ANKRD55: variants seen among roughly 807,000 people sequenced by gnomAD.
ANKRD55 encodes the protein ankyrin repeat domain 55.
Under a neutral mutation model 60.6 loss-of-function variants are expected in ANKRD55, and 41 were observed. The ratio of observed to expected loss-of-function variants is 0.68; its 90% confidence interval spans 0.53 to 0.88. The LOEUF is 0.88. Among genes scored for constraint, ANKRD55 ranks in the 40% least tolerant of loss-of-function variants. The pLI is 0.00. For missense variants in ANKRD55, 732 were observed against 767.6 expected (o/e 0.95, Z 0.55); for synonymous variants, 264 against 290.3 (o/e 0.91, Z 0.92).
intron 8 of ANKRD55, among the ~76,000 whole-genome samples, chr5:56,117,563 C>T (rs1049255512): frequency 1.1e-4 from 16 of 152,116 alleles, no homozygotes; most frequent in African/African-American, 3.9e-4. Context: ...AAGCGATTCT[C>T]CCACCTCAGC....
intron 3 of ANKRD55, among the ~76,000 whole-genome samples, chr5:56,177,051 A>G (rs6863007): frequency 0.054 from 8,291 of 152,256 alleles, 791 homozygotes; most frequent in African/African-American, 0.19. Context: ...ATCCCCAAGA[A>G]AGGGTAAATC....
chr5:56,148,114 A>T (rs919800634), intron 6 of ANKRD55, among the ~76,000 whole-genome samples: 5 of 152,272 alleles, frequency 3.3e-5, no homozygotes, highest in African/African-American at 7.2e-5. Context: ...AGAAATGCTT[A>T]CTGGAAGAAT....
At chr5:56,132,770 A>C (rs894386536) in intron 7 of ANKRD55, among the ~76,000 whole-genome samples, 1 of 152,186 alleles carries the variant, frequency 6.6e-6, no homozygotes, top group Admixed American at 6.5e-5. Context: ...TGTCTATAAG[A>C]AACCCACTTT....
chr5:56,226,213 C>T (rs1471509025), intron 2 of ANKRD55, among the ~76,000 whole-genome samples: 3 of 152,102 alleles, frequency 2.0e-5, no homozygotes, highest in African/African-American at 7.2e-5. Context: ...AGAAATCTGA[C>T]AAAAACAAGA....
rs772695526 is a variant in ANKRD55 at position 56,143,861 on chromosome 5, C to T, written c.552G>A (p.Lys184=). Residue 184 remains lysine (K), a synonymous_variant, in exon 7 of 12, where the codon AAG becomes AAA. Transcript: ENST00000341048. Reference sequence around the variant, plus strand: ...TATCCACAAGGGTGGGGTCTGCCCCCTTCTTCAGCAGCATTTGTGTGTGTT... The same window carrying T: ...TATCCACAAGGGTGGGGTCTGCCCCTTTCTTCAGCAGCATTTGTGTGTGTT... The part of the protein sequence containing the change: ...QPQHTQMLLK[K]GADPTLVDKD... The T allele has an allele frequency of 6.2e-7, 1 of 1,614,060 alleles. No individual in the cohort carries two copies. The highest frequency in any genetic ancestry group is 8.5e-7 in the Non-Finnish European group (1 of 1,180,048).
chr5:56,137,128 T>A, intron 7 of ANKRD55: 1 of 1,284,552 alleles, frequency 7.8e-7, no homozygotes, highest in Non-Finnish European at 1.1e-6. Context: ...CTGAAAGATG[T>A]CACTTTACAG....
intron 8 of ANKRD55, among the ~76,000 whole-genome samples, chr5:56,123,223 G>A (rs956114599): frequency 2.0e-5 from 3 of 152,120 alleles, no homozygotes; most frequent in Admixed American, 2.0e-4. Flanking sequence ...AGAGGGCCAG[G>A]TGGTCTCTCA....
chr5:56,180,193 C>T (rs1345801913), intron 3 of ANKRD55, among the ~76,000 whole-genome samples: 1 of 152,070 alleles, frequency 6.6e-6, no homozygotes, highest in Non-Finnish European at 1.5e-5. Context: ...CTAACCCACT[C>T]CCACAATGAC....
intron 9 of ANKRD55, among the ~76,000 whole-genome samples, chr5:56,112,038 A>G (rs1561251836): frequency 1.3e-5 from 2 of 152,180 alleles, no homozygotes; most frequent in South Asian, 4.1e-4. Flanking sequence ...TTGCTCCTTC[A>G]GGGGATATCC....
intron 8 of ANKRD55, among the ~76,000 whole-genome samples, chr5:56,121,913 G>A (rs1274101393): frequency 6.6e-6 from 1 of 152,152 alleles, no homozygotes; most frequent in Admixed American, 6.5e-5. Context: ...CATTTAAAGA[G>A]CACCTACTGT....
At chr5:56,109,799 A>G (rs1224288656) in intron 10 of ANKRD55, among the ~76,000 whole-genome samples, 2 of 152,212 alleles carry the variant, frequency 1.3e-5, no homozygotes, top group Non-Finnish European at 2.9e-5. Context: ...GGACGGGTGG[A>G]TCACGAGGTC....
intron 5 of ANKRD55, among the ~76,000 whole-genome samples, chr5:56,165,430 T>TA (rs940932887): frequency 2.0e-5 from 3 of 152,186 alleles, no homozygotes; most frequent in African/African-American, 7.2e-5. Context: ...CTTAGCTTCT[T>TA]ATAATGTTTA....
At chr5:56,163,573 A>G (rs1469022186) in intron 5 of ANKRD55, among the ~76,000 whole-genome samples, 6 of 152,178 alleles carry the variant, frequency 3.9e-5, no homozygotes, top group African/African-American at 1.4e-4. Flanking sequence ...GCAGTCCCAG[A>G]CAGGTGGTGT....
At chr5:56,102,674 G>C in intron 10 of ANKRD55, 88 bp from the exon 11 acceptor site, 2 of 853,156 alleles carry the variant, frequency 2.3e-6, no homozygotes, top group Non-Finnish European at 3.8e-6. Context: ...CATCAAAGTT[G>C]TTACAGATCA....
intron 2 of ANKRD55, chr5:56,193,754 T>C (rs1759164707): frequency 6.1e-6 from 1 of 163,376 alleles, no homozygotes; most frequent in Admixed American, 6.4e-5. Flanking sequence ...GAACATTCCA[T>C]ATAGAAATCT....
At chr5:56,161,873 AC>A in intron 5 of ANKRD55, 1 of 570,928 alleles carries the variant, frequency 1.8e-6, no homozygotes, top group Non-Finnish European at 2.2e-6. Context: ...TGGTAGGAAG[AC>A]ATATAAAAAT....
intron 10 of ANKRD55, among the ~76,000 whole-genome samples, chr5:56,104,347 A>C (rs899974689): frequency 4.6e-5 from 7 of 152,184 alleles, no homozygotes; most frequent in Non-Finnish European, 8.8e-5. Context: ...CACAGCCTAG[A>C]CTTCAACCCT....
At chr5:56,207,900 T>C (rs1222643809) in intron 2 of ANKRD55, among the ~76,000 whole-genome samples, 1 of 152,248 alleles carries the variant, frequency 6.6e-6, no homozygotes, top group Non-Finnish European at 1.5e-5. Flanking sequence ...TAGCTTACTA[T>C]AACATTTTTA....
chr5:56,117,936 A>T (rs555512293), intron 8 of ANKRD55, among the ~76,000 whole-genome samples: 1 of 152,182 alleles, frequency 6.6e-6, no homozygotes, highest in African/African-American at 2.4e-5. Flanking sequence ...TGAGGTCAGG[A>T]GTTCAAGAGC....
Sources: allele counts gnomAD v4.1 joint callset (sites outside exome capture counted in the v4.1 genomes callset), GRCh38; gene constraint gnomAD v4.1.1; transcripts MANE v1.5; gene names NCBI Gene and HGNC (gene_info 2026-07-23, HGNC 2026-07-21).